Variants in DNM3 observed in about 807,000 individuals in gnomAD.
DNM3 encodes dynamin-3.
A neutral mutation model predicts 101.6 loss-of-function variants in DNM3; 47 were observed. The observed-to-expected ratio is 0.46, with a 90% CI of 0.37 to 0.59. The LOEUF (loss-of-function observed/expected upper bound fraction) is 0.59, where lower values mean the gene tolerates loss of function less well. Ranked by LOEUF, DNM3 falls within the 20% of genes least tolerant of loss-of-function variation. The pLI is 0.00. For missense variants in DNM3, 849 were observed against 1,085.7 expected, an observed-to-expected ratio of 0.78 and a Z score of 3.06; for synonymous variants, 385 against 387.9, an observed-to-expected ratio of 0.99 and a Z score of 0.09.
intron 2 of DNM3, among the ~76,000 whole-genome samples, chr1:171,972,639 C>T (rs1419005777): frequency 6.6e-6 from 1 of 152,236 alleles, no homozygotes; most frequent in East Asian, 1.9e-4. Context: ...CACCTGAGAT[C>T]GGGAGGTTGA....
intron 2 of DNM3, among the ~76,000 whole-genome samples, chr1:171,951,438 A>G (rs901883048): frequency 5.9e-5 from 9 of 152,154 alleles, no homozygotes; most frequent in African/African-American, 2.2e-4. Context: ...TTTGTCATCT[A>G]CTTGATTTTC....
In DNM3 at chr1:172,379,183, G is replaced by A. The variant is rs1431896502; in HGVS notation, c.2058+1G>A. On this transcript the variant is annotated splice_donor_variant, in intron 18 of 20. Coordinates refer to ENST00000627582, the MANE Select transcript of DNM3 (RefSeq NM_015569.5). LOFTEE classifies it high-confidence loss of function. ...AATAATGCACCTTATGATCAATAACGTAAGTGATTATAAACTACCTCCATT... is the reference window on the plus strand; with the variant it reads ...AATAATGCACCTTATGATCAATAACATAAGTGATTATAAACTACCTCCATT... 2.5e-6 allele frequency: 4 copies of A among 1,598,826 alleles called. No homozygotes were observed. The highest frequency in any genetic ancestry group is 1.1e-5 in the South Asian group (1 of 88,812).
At chr1:172,274,888 G>T (rs1033883922) in intron 15 of DNM3, among the ~76,000 whole-genome samples, 1 of 151,892 alleles carries the variant, frequency 6.6e-6, no homozygotes, top group Admixed American at 6.6e-5. Context: ...ACTGATCAGG[G>T]CTTGGATGTC....
chr1:171,870,142 A>G (rs2035132492), intron 1 of DNM3, among the ~76,000 whole-genome samples: 2 of 152,234 alleles, frequency 1.3e-5, no homozygotes, highest in Admixed American at 6.5e-5. Context: ...TTTAAATACT[A>G]GCACGTTTGC....
intron 1 of DNM3, among the ~76,000 whole-genome samples, chr1:171,913,811 CAG>C (rs1057119102): frequency 2.0e-5 from 3 of 151,686 alleles, no homozygotes; most frequent in African/African-American, 4.8e-5. Flanking sequence ...TTTTTTTAGA[CAG>C]AGTTTCACTC....
intron 14 of DNM3, among the ~76,000 whole-genome samples, chr1:172,195,634 G>C (rs2059919953): frequency 6.6e-6 from 1 of 151,744 alleles, no homozygotes; most frequent in African/African-American, 2.4e-5. Context: ...TTATCATGAT[G>C]GTTGTTGTCA....
At chr1:171,982,662 TTGTGTGTG>T (rs3051606) in intron 2 of DNM3, among the ~76,000 whole-genome samples, 2 of 148,770 alleles carry the variant, frequency 1.3e-5, no homozygotes, top group Non-Finnish European at 3.0e-5. Context: ...ATGTGTGTGT[TTGTGTGTG>T]TGTGTGTGTG....
intron 2 of DNM3, among the ~76,000 whole-genome samples, chr1:171,940,439 C>G (rs2041736612): frequency 6.6e-6 from 1 of 152,122 alleles, no homozygotes. Flanking sequence ...TCCTGTTACT[C>G]TCATCTTGGC....
intron 2 of DNM3, among the ~76,000 whole-genome samples, chr1:171,973,912 G>A (rs1424929413): frequency 3.3e-5 from 5 of 152,032 alleles, no homozygotes; most frequent in Middle Eastern, 3.4e-3. Context: ...TGATCCTCCC[G>A]CCTTGGCCTC....
intron 1 of DNM3, among the ~76,000 whole-genome samples, chr1:171,882,128 C>T (rs920202113): frequency 2.6e-5 from 4 of 151,960 alleles, no homozygotes; most frequent in East Asian, 1.9e-4. Flanking sequence ...GGGCGGATCA[C>T]CTGAGGTCAG....
intron 17 of DNM3, 40 bp downstream of exon 17, chr1:172,323,380 G>T: frequency 6.3e-7 from 1 of 1,597,154 alleles, no homozygotes; most frequent in Admixed American, 1.7e-5. Context: ...TGTCCCCCCA[G>T]CCCCTGCTCC....
chr1:172,372,674 ATTTTTTTTTTTTTT>A (rs71107346), intron 17 of DNM3, among the ~76,000 whole-genome samples: 1 of 79,006 alleles, frequency 1.3e-5, no homozygotes, highest in South Asian at 5.7e-4. Context: ...CTTGTAATTA[ATTTTTTTTTTTTTT>A]TTTTTTTTTT....
intron 4 of DNM3, among the ~76,000 whole-genome samples, chr1:172,002,760 G>T (rs1380192806): frequency 1.3e-5 from 2 of 151,960 alleles, no homozygotes; most frequent in Non-Finnish European, 2.9e-5. Flanking sequence ...AATATTTTTA[G>T]GACTTGAATG....
chr1:172,058,493 A>C (rs1205658739), intron 10 of DNM3, among the ~76,000 whole-genome samples: 1 of 151,808 alleles, frequency 6.6e-6, no homozygotes, highest in Non-Finnish European at 1.5e-5. Flanking sequence ...ATAACAAACT[A>C]TCTCTCAGAC....
chr1:172,378,491 A>T lies in DNM3; in HGVS notation c.1894-527A>T, dbSNP rs74691915. On this transcript the variant is annotated intron_variant, in intron 17 of 20. Transcript: ENST00000627582. ...CAGCAAGTGCATGGAAGAATAAATT[A>T]TCTTCTATATCTCTTATTTTGGCTT... is the stretch of plus-strand genomic sequence containing the variant. Among the ~76,000 whole-genome samples, 37 of 141,718 alleles carry T rather than the reference A, an allele frequency of 2.6e-4. No individual in the cohort carries two copies. In the East Asian group the frequency reaches 7.3e-3, roughly 28 times the overall value. The allele number at this position is 141,718 out of a possible 152,430, so 93.0% of individuals were successfully genotyped here.
chr1:172,161,108 C>G (rs1171247596), intron 14 of DNM3, among the ~76,000 whole-genome samples: 1 of 151,662 alleles, frequency 6.6e-6, no homozygotes, highest in African/African-American at 2.4e-5. Flanking sequence ...CAGTGATTTT[C>G]ATGACAGACT....
chr1:172,211,860 T>C (rs1299710402), intron 14 of DNM3, among the ~76,000 whole-genome samples: 1 of 152,018 alleles, frequency 6.6e-6, no homozygotes, highest in African/African-American at 2.4e-5. Flanking sequence ...CAGGTGGAAA[T>C]TGAAAAGAAA....
At chr1:172,289,840 T>G (rs1384616467) in intron 15 of DNM3, 1 of 982,962 alleles carries the variant, frequency 1.0e-6, no homozygotes, top group Non-Finnish European at 1.2e-6. Flanking sequence ...GAAGTGGTTT[T>G]GTTGTTCTTT....
chr1:172,401,471 C>G (rs2070479132), intron 20 of DNM3, among the ~76,000 whole-genome samples: 1 of 152,124 alleles, frequency 6.6e-6, no homozygotes. Flanking sequence ...CAGGATATTA[C>G]CTGTTTGTAT....
Sources: gnomAD v4.1 joint callset for allele counts (sites outside exome capture counted in the v4.1 genomes callset) on GRCh38, gnomAD v4.1.1 for gene constraint, MANE v1.5 for transcripts, NCBI Gene and HGNC (gene_info 2026-07-23, HGNC 2026-07-21) for gene names.